The following MYLK variants were observed in gnomAD, a reference collection of about 807,000 sequenced individuals.
MYLK encodes the protein myosin light chain kinase, smooth muscle.
In MYLK, 106 loss-of-function variants were observed where a neutral mutation model predicts 203.4. That is an observed-to-expected ratio of 0.52 (90% CI 0.45 to 0.61). The LOEUF (loss-of-function observed/expected upper bound fraction) is 0.61, where lower values mean the gene tolerates loss of function less well. Among genes scored for constraint, MYLK ranks in the 20% least tolerant of loss-of-function variants. The pLI is 0.00. For synonymous variants in MYLK, 867 were observed against 959.5 expected (o/e 0.90, Z 1.78); for missense variants, 2,072 against 2,442.3 (o/e 0.85, Z 3.20).
intron 3 of MYLK, among the ~76,000 whole-genome samples, chr3:123,826,154 C>T (rs955238385): frequency 2.0e-5 from 3 of 152,146 alleles, no homozygotes; most frequent in African/African-American, 7.2e-5. Context: ...GGGTCCCAAA[C>T]CTAAGAAACA....
intron 13 of MYLK, among the ~76,000 whole-genome samples, chr3:123,714,586 C>A (rs2061829285): frequency 6.6e-6 from 1 of 152,138 alleles, no homozygotes; most frequent in South Asian, 2.1e-4. Flanking sequence ...GACAGACTTG[C>A]CCAGCTCAAA....
chr3:123,749,082 C>CATAT (rs1179869280), intron 5 of MYLK, among the ~76,000 whole-genome samples: 2 of 141,424 alleles, frequency 1.4e-5, no homozygotes, highest in Non-Finnish European at 3.0e-5. Context: ...AAAATACATA[C>CATAT]ATACATACAT....
intron 4 of MYLK, among the ~76,000 whole-genome samples, chr3:123,789,430 G>C (rs2064682374): frequency 6.6e-6 from 1 of 152,028 alleles, no homozygotes; most frequent in Admixed American, 6.6e-5. Context: ...CCTGGGTCCT[G>C]GGTGCCCAGC....
At chr3:123,679,662 G>T (rs1254490564) in intron 20 of MYLK, among the ~76,000 whole-genome samples, 4 of 152,200 alleles carry the variant, frequency 2.6e-5, no homozygotes, top group African/African-American at 9.6e-5. Context: ...TGCACACAGA[G>T]TGAAATCCAA....
chr3:123,758,114 T>TA (rs554258478), intron 4 of MYLK, among the ~76,000 whole-genome samples: 2 of 151,514 alleles, frequency 1.3e-5, no homozygotes, highest in East Asian at 3.9e-4. Context: ...AAAATGTCTA[T>TA]AAAACTTACC....
At chr3:123,707,292 C>T (rs1383428579) in intron 16 of MYLK, among the ~76,000 whole-genome samples, 1 of 152,240 alleles carries the variant, frequency 6.6e-6, no homozygotes, top group Non-Finnish European at 1.5e-5. Flanking sequence ...TCAGAAACTG[C>T]AGCCCCTGCT....
chr3:123,881,669 AAGAC>A (rs938447129), intron 1 of MYLK, among the ~76,000 whole-genome samples: 11 of 152,150 alleles, frequency 7.2e-5, no homozygotes, highest in African/African-American at 2.4e-4. Context: ...AACTTCCTAA[AAGAC>A]AGACAAGCCA....
intron 3 of MYLK, among the ~76,000 whole-genome samples, chr3:123,817,686 A>T (rs1016446255): frequency 6.6e-6 from 1 of 152,198 alleles, no homozygotes; most frequent in African/African-American, 2.4e-5. Flanking sequence ...TTGCCAGGGT[A>T]TAGCTGAGCC....
intron 2 of MYLK, among the ~76,000 whole-genome samples, chr3:123,859,814 C>T (rs368160408): frequency 2.6e-4 from 39 of 152,196 alleles, no homozygotes; most frequent in African/African-American, 8.2e-4. Flanking sequence ...ATGAGGTTCA[C>T]GAAAGTTTAA....
chr3:123,750,203 A>G (rs1434800778), intron 5 of MYLK, among the ~76,000 whole-genome samples: 3 of 152,230 alleles, frequency 2.0e-5, no homozygotes, highest in Non-Finnish European at 4.4e-5. Flanking sequence ...TATCTCCTAG[A>G]GTTAGAAGAC....
chr3:123,759,262 C>T (rs545476457), intron 4 of MYLK, among the ~76,000 whole-genome samples: 1 of 152,206 alleles, frequency 6.6e-6, no homozygotes, highest in African/African-American at 2.4e-5. Context: ...TTGTGGGGCT[C>T]CAGGCTTTCC....
intron 3 of MYLK, among the ~76,000 whole-genome samples, chr3:123,810,257 T>C (rs545858409): frequency 6.6e-6 from 1 of 152,170 alleles, no homozygotes; most frequent in Non-Finnish European, 1.5e-5. Flanking sequence ...CAGGACAGAA[T>C]GGCCGTGTTT....
intron 2 of MYLK, among the ~76,000 whole-genome samples, chr3:123,869,979 C>T (rs2032646811): frequency 6.6e-6 from 1 of 151,976 alleles, no homozygotes; most frequent in South Asian, 2.1e-4. Context: ...CTAGTCCACA[C>T]TCCACAGGCA....
intron 4 of MYLK, among the ~76,000 whole-genome samples, chr3:123,774,063 T>C (rs542375619): frequency 2.6e-5 from 4 of 152,204 alleles, no homozygotes; most frequent in Non-Finnish European, 5.9e-5. Flanking sequence ...CTCTGGGGCA[T>C]GGAAAAGCAA....
At chr3:123,846,022 C>T (rs2029935539) in intron 2 of MYLK, among the ~76,000 whole-genome samples, 1 of 152,142 alleles carries the variant, frequency 6.6e-6, no homozygotes, top group Admixed American at 6.6e-5. Context: ...TTGGATTTCA[C>T]CAGTTTTTTA....
chr3:123,653,986 T>TGTGTGTGTG (rs2059306675), intron 24 of MYLK, among the ~76,000 whole-genome samples: 4 of 137,650 alleles, frequency 2.9e-5, no homozygotes, highest in African/African-American at 5.4e-5. Flanking sequence ...CAGAGGGATG[T>TGTGTGTGTG]TGTGTGTGTG....
intron 16 of MYLK, among the ~76,000 whole-genome samples, chr3:123,703,866 T>C (rs1381621479): frequency 1.3e-5 from 2 of 152,200 alleles, no homozygotes; most frequent in Admixed American, 1.3e-4. Flanking sequence ...CTGTCACCAG[T>C]AGAACACAGC....
In MYLK at chr3:123,738,834, A is replaced by G. The variant is rs546713697; in HGVS notation, c.588+63T>C. ...AAATTACCCAGTCTCGGGTATGTCT[A>G]TTAGCAGCATGAGAACAGACTAATA... On this transcript the variant is annotated intron_variant, in intron 7 of 33. Transcript: ENST00000360304. 490 of 1,558,920 alleles carry G rather than the reference A, an allele frequency of 3.1e-4. 9 individuals carry two copies. In the South Asian group the frequency reaches 5.4e-3, roughly 17 times the overall value.
intron 23 of MYLK, among the ~76,000 whole-genome samples, chr3:123,660,527 C>T (rs2059530506): frequency 6.6e-6 from 1 of 152,148 alleles, no homozygotes; most frequent in African/African-American, 2.4e-5. Context: ...AGGCTCTGAG[C>T]ATTGCAAATT....
Sources: gnomAD v4.1 joint callset for allele counts (sites outside exome capture counted in the v4.1 genomes callset) on GRCh38, gnomAD v4.1.1 for gene constraint, MANE v1.5 for transcripts, NCBI Gene and HGNC (gene_info 2026-07-23, HGNC 2026-07-21) for gene names.